Variants in NBEA observed in about 807,000 individuals in gnomAD.
NBEA encodes the protein neurobeachin.
A neutral mutation model predicts 343.4 loss-of-function variants in NBEA; 44 were observed. The observed-to-expected ratio is 0.13, with a 90% CI of 0.10 to 0.16. The LOEUF (loss-of-function observed/expected upper bound fraction) is 0.16. NBEA is among the 10% of genes least tolerant of loss of function. The pLI is 1.00. For missense variants in NBEA, 2,555 were observed against 3,631.3 expected (o/e 0.70, Z 7.62); for synonymous variants, 1,175 against 1,238.7 (o/e 0.95, Z 1.08).
chr13:35,341,408 TAA>T (rs2039576546), intron 36 of NBEA, among the ~76,000 whole-genome samples: 1 of 152,066 alleles, frequency 6.6e-6, no homozygotes, highest in African/African-American at 2.4e-5. Flanking sequence ...CATCAAAATT[TAA>T]AACTTGTGTG....
At chr13:35,625,181 T>C (rs992363156) in intron 48 of NBEA, among the ~76,000 whole-genome samples, 2 of 152,164 alleles carry the variant, frequency 1.3e-5, no homozygotes, top group African/African-American at 4.8e-5. Context: ...CCTCAAAGCA[T>C]AAACATTTTT....
intron 1 of NBEA, among the ~76,000 whole-genome samples, chr13:35,017,249 T>C (rs1419135616): frequency 1.3e-5 from 2 of 152,216 alleles, no homozygotes; most frequent in Non-Finnish European, 2.9e-5. Flanking sequence ...TCTAGTTGTT[T>C]CCAGTAGGGA....
Position 34,942,936 on chromosome 13 carries a change from G to T in NBEA, c.116G>T (p.Gly39Val). 6.4e-7 allele frequency: 1 copy of T among 1,565,340 alleles called. No individual in the cohort carries two copies. Among genetic ancestry groups the T allele is most frequent in the Non-Finnish European group, 8.7e-7 (1 of 1,155,708 alleles). ...GGGSGGGGTG[G>V]SGMGELRGAS... ...GGCAGCGGTGGTGGCGGCACCGGGGGCAGCGGGATGGGGGAGCTAAGGGGG... is the reference window on the plus strand; with the variant it reads ...GGCAGCGGTGGTGGCGGCACCGGGGTCAGCGGGATGGGGGAGCTAAGGGGG... Residue 39 changes from glycine to valine, a missense_variant, in exon 1 of 59, where the codon GGC becomes GTC. Around this residue, in one of 21 missense-constraint regions of NBEA, gnomAD observed 122 missense variants for 91.0 expected, o/e 1.34. Transcript: ENST00000379939.
At chr13:34,967,942 G>A (rs2059877805) in intron 1 of NBEA, among the ~76,000 whole-genome samples, 1 of 152,056 alleles carries the variant, frequency 6.6e-6, no homozygotes, top group South Asian at 2.1e-4. Context: ...AGTCCCACAA[G>A]ACTGCTTCCA....
chr13:35,082,665 C>A (rs1193456929), intron 10 of NBEA, among the ~76,000 whole-genome samples: 3 of 152,116 alleles, frequency 2.0e-5, no homozygotes, highest in Admixed American at 2.0e-4. Context: ...TCTCTGATGG[C>A]CAGTGATGAT....
chr13:34,972,162 G>A (rs557416872), intron 1 of NBEA, among the ~76,000 whole-genome samples: 5 of 152,082 alleles, frequency 3.3e-5, no homozygotes, highest in African/African-American at 9.6e-5. Context: ...ATGGTTGTTT[G>A]TGTTTCTGTG....
chr13:35,584,431 G>T (rs1380664261), intron 46 of NBEA, among the ~76,000 whole-genome samples: 3 of 150,758 alleles, frequency 2.0e-5, no homozygotes, highest in African/African-American at 7.3e-5. Context: ...GGATCTTCCT[G>T]CCTCAGCCTC....
intron 1 of NBEA, among the ~76,000 whole-genome samples, chr13:35,040,551 A>C (rs1057013453): frequency 2.6e-5 from 4 of 152,120 alleles, no homozygotes; most frequent in African/African-American, 9.6e-5. Flanking sequence ...TAATGTCAAA[A>C]AAAATGAATT....
chr13:35,484,130 C>T (rs900410605), intron 41 of NBEA, among the ~76,000 whole-genome samples: 1 of 151,672 alleles, frequency 6.6e-6, no homozygotes, highest in African/African-American at 2.4e-5. Flanking sequence ...ACATATACTA[C>T]GTCAACTTTG....
intron 30 of NBEA, among the ~76,000 whole-genome samples, chr13:35,195,178 A>G (rs1422402743): frequency 6.6e-6 from 1 of 152,094 alleles, no homozygotes; most frequent in Non-Finnish European, 1.5e-5. Context: ...AGAGAAATAT[A>G]AGAATTTCTC....
intron 41 of NBEA, among the ~76,000 whole-genome samples, chr13:35,526,560 C>G (rs1004237613): frequency 3.3e-4 from 51 of 152,302 alleles, no homozygotes; most frequent in African/African-American, 1.1e-3. Flanking sequence ...ATCACTTGAA[C>G]CCAGTGTCCT....
intron 36 of NBEA, among the ~76,000 whole-genome samples, chr13:35,312,326 A>T (rs1272363821): frequency 6.6e-6 from 1 of 152,170 alleles, no homozygotes; most frequent in African/African-American, 2.4e-5. Context: ...TTGAGAGATC[A>T]TTAGGAGACA....
chr13:35,316,081 G>A (rs1259018288), intron 36 of NBEA, among the ~76,000 whole-genome samples: 1 of 146,416 alleles, frequency 6.8e-6, no homozygotes, highest in Non-Finnish European at 1.5e-5. Flanking sequence ...CCTATGCCAG[G>A]TTTTCTTTAA....
intron 44 of NBEA, among the ~76,000 whole-genome samples, chr13:35,561,669 T>C: frequency 6.6e-6 from 1 of 152,188 alleles, no homozygotes; most frequent in East Asian, 1.9e-4. Context: ...AATAAGATTC[T>C]GTATAAAGCA....
At chr13:35,184,263 T>C (rs1176791412) in intron 30 of NBEA, among the ~76,000 whole-genome samples, 192 bp downstream of exon 30, 1 of 152,122 alleles carries the variant, frequency 6.6e-6, no homozygotes, top group Non-Finnish European at 1.5e-5. Flanking sequence ...ATTACATTTC[T>C]TTAAGTATCA....
At chr13:35,284,363 G>T (rs1460051118) in intron 34 of NBEA, among the ~76,000 whole-genome samples, 4 of 151,512 alleles carry the variant, frequency 2.6e-5, no homozygotes, top group African/African-American at 4.8e-5. Context: ...ATTTTGCAGG[G>T]TTTTTTTTGT....
At chr13:35,142,153 AT>A in intron 17 of NBEA, 115 bp from the exon 18 acceptor site, 1 of 522,672 alleles carries the variant, frequency 1.9e-6, no homozygotes, top group Non-Finnish European at 3.4e-6. Context: ...GTTCATGAAA[AT>A]AATTACTTGT....
intron 40 of NBEA, among the ~76,000 whole-genome samples, chr13:35,458,158 C>A (rs529029764): frequency 1.1e-4 from 17 of 152,176 alleles, no homozygotes; most frequent in Admixed American, 5.9e-4. Context: ...GAAGAGGCTG[C>A]ACCATTTTGA....
At chr13:34,950,150 A>G (rs2059305999) in intron 1 of NBEA, among the ~76,000 whole-genome samples, 1 of 152,160 alleles carries the variant, frequency 6.6e-6, no homozygotes, top group African/African-American at 2.4e-5. Context: ...AGAGAAACTG[A>G]CGTCTGGCCC....
Sources: allele counts gnomAD v4.1 joint callset (sites outside exome capture counted in the v4.1 genomes callset), GRCh38; gene constraint gnomAD v4.1.1; regional missense constraint gnomAD v4.1.1; transcripts MANE v1.5; gene names NCBI Gene and HGNC (gene_info 2026-07-23, HGNC 2026-07-21).